The following ZNF76 variants were observed in gnomAD, a reference collection of about 807,000 sequenced individuals.
ZNF76 encodes zinc finger protein 523.
A neutral mutation model predicts 66.9 loss-of-function variants in ZNF76; 66 were observed. The observed-to-expected ratio is 0.99, with a 90% CI of 0.81 to 1.21. ZNF76 has a LOEUF of 1.21. ZNF76 is among the 50% of genes most tolerant of loss of function. ZNF76 has a pLI of 0.00. For synonymous variants in ZNF76, 275 were observed against 296.1 expected, an observed-to-expected ratio of 0.93 and a Z score of 0.73; for missense variants, 729 against 760.3, an observed-to-expected ratio of 0.96 and a Z score of 0.48.
At chr6:35,289,538 A>G (rs1448464569) in intron 5 of ZNF76, among the ~76,000 whole-genome samples, 4 of 152,206 alleles carry the variant, frequency 2.6e-5, no homozygotes, top group Non-Finnish European at 4.4e-5. Flanking sequence ...ACTAAGGGAT[A>G]GTCCCACCAG....
chr6:35,294,605 G>A (rs374760378), intron 13 of ZNF76, 36 bp downstream of exon 13: 144 of 1,429,954 alleles, frequency 1.0e-4, no homozygotes, highest in Non-Finnish European at 1.4e-4. Flanking sequence ...GGATCCCACG[G>A]CCAGAGAAGT....
intron 1 of ZNF76, among the ~76,000 whole-genome samples, chr6:35,280,095 C>A (rs1321362890): frequency 6.6e-6 from 1 of 151,858 alleles, no homozygotes; most frequent in Non-Finnish European, 1.5e-5. Context: ...CCTCCCAAAG[C>A]ACTGGGATTA....
intron 2 of ZNF76, among the ~76,000 whole-genome samples, chr6:35,284,195 G>C (rs921264423): frequency 2.0e-5 from 3 of 151,660 alleles, no homozygotes; most frequent in Non-Finnish European, 4.4e-5. Flanking sequence ...GGGTTCAAGC[G>C]ATTCTCCTGC....
chr6:35,291,679 CT>C lies in ZNF76; in HGVS notation c.874del (p.Cys292ValfsTer113), dbSNP rs752048074. The C allele has an allele frequency of 2.5e-6, 4 of 1,613,678 alleles. No individual in the cohort carries two copies. In the South Asian group the frequency reaches 4.4e-5, roughly 18 times the overall value. ...GGCCCTACACCTGCCCGGAGCCCCACTGTGGCCGCGGCTTCACCAGCGCCAC... is the reference window on the plus strand; with the variant it reads ...GGCCCTACACCTGCCCGGAGCCCCACGTGGCCGCGGCTTCACCAGCGCCAC... ...ERPYTCPEPHCGRGFTSATNY... is the reference protein window; with the variant it reads ...ERPYTCPEPHXGRGFTSATNY... On this transcript the variant is annotated frameshift_variant, in exon 9 of 14. Coordinates refer to ENST00000373953, the MANE Select transcript of ZNF76 (RefSeq NM_003427.5). LOFTEE classifies it high-confidence loss of function.
chr6:35,278,433 G>A (rs1455663772), intron 1 of ZNF76, among the ~76,000 whole-genome samples: 2 of 152,196 alleles, frequency 1.3e-5, no homozygotes, highest in Admixed American at 6.5e-5. Context: ...TGATCCGCTC[G>A]CCCCTCAGGG....
At chr6:35,259,641 A>T (rs1387882669), upstream of ZNF76, 1 of 152,272 alleles carries the variant, frequency 6.6e-6, no homozygotes, top group Non-Finnish European at 1.5e-5. Context: ...CGTGCCCGGT[A>T]TTTTCTATAC....
intron 1 of ZNF76, among the ~76,000 whole-genome samples, chr6:35,263,175 T>G (rs1785505165): frequency 6.6e-6 from 1 of 152,220 alleles, no homozygotes; most frequent in African/African-American, 2.4e-5. Context: ...CACTCTTCTC[T>G]GGGAACTTCT....
Position 35,292,209 on chromosome 6 carries a change from T to TA in ZNF76, c.932-344dup. ...GTCCCCTCTTTCCCATCACAACTGA[T>TA]ACTTCAGTCATCCTTGCCTCTTGCC... On this transcript the variant is annotated intron_variant, in intron 9 of 13. Coordinates refer to ENST00000373953, the MANE Select transcript of ZNF76 (RefSeq NM_003427.5). This position sits in a 1 kb window ranked among gnomAD's most constrained non-coding sequence, Gnocchi z 4.7. 2.3e-6 allele frequency: 1 copy of TA among 434,690 alleles called. No homozygotes were observed. The highest frequency in any genetic ancestry group is 2.3e-5 in the South Asian group (1 of 42,694). 26.9% of individuals were successfully genotyped at this position (434,690 alleles called of 1,614,324 possible).
In ZNF76 at chr6:35,295,435, A is replaced by G; in HGVS notation, c.*187A>G. On this transcript the variant is annotated 3_prime_UTR_variant, in exon 14 of 14. Transcript: ENST00000373953. The stretch of plus-strand genomic sequence containing the variant: ...GCCCTGCTCAAGAAGGGGGCCAGGC[A>G]GCTGGAATCAGGGGAGTGCATCATC... The G allele has an allele frequency of 1.6e-6, 1 of 644,244 alleles. No individual in the cohort carries two copies. Among genetic ancestry groups the G allele is most frequent in the Non-Finnish European group, 2.8e-6 (1 of 351,222 alleles). 39.9% of individuals were successfully genotyped at this position (644,244 alleles called of 1,614,324 possible).
chr6:35,274,951 G>A (rs139638769), intron 1 of ZNF76, among the ~76,000 whole-genome samples: 6,234 of 152,002 alleles, frequency 0.041, 441 homozygotes, highest in African/African-American at 0.14. Context: ...TCAGGAGTTC[G>A]AGATCAGCCT....
chr6:35,289,080 A>G (rs1227524254), intron 5 of ZNF76, among the ~76,000 whole-genome samples: 1 of 151,830 alleles, frequency 6.6e-6, no homozygotes, highest in African/African-American at 2.4e-5. Context: ...AGTGGGTTTT[A>G]TTTAAATCAT....
chr6:35,293,054 C>T lies in ZNF76; in HGVS notation c.1329+10C>T. 1 of 1,613,308 alleles carries T rather than the reference C, an allele frequency of 6.2e-7. No individual in the cohort carries two copies. Among genetic ancestry groups the T allele is most frequent in the Non-Finnish European group, 8.5e-7 (1 of 1,179,668 alleles). On this transcript the variant is annotated intron_variant, in intron 11 of 13. Transcript: ENST00000373953. ...GGATGGTGCCCAGCAGGTACAGGCC[C>T]TGGAGGGCAGAGGTGCCATACTAGC...
At chr6:35,288,352 A>G (rs1000177145) in intron 5 of ZNF76, 2 of 357,432 alleles carry the variant, frequency 5.6e-6, no homozygotes, top group Non-Finnish European at 1.1e-5. Flanking sequence ...TTCCTGGATT[A>G]TGAGGCCCAC....
chr6:35,265,015 G>T (rs867747751), intron 1 of ZNF76, among the ~76,000 whole-genome samples: 42 of 152,174 alleles, frequency 2.8e-4, no homozygotes, highest in African/African-American at 8.7e-4. Context: ...GATCCTAAAG[G>T]TATATATATT....
Position 35,292,494 on chromosome 6 carries a change from C to G in ZNF76, c.932-60C>G. Reference sequence around the variant, plus strand: ...ACCAACCCTGTCCCTCACCCCTGTCCCCTTAGTTTCCCCCTTGCCAGCCCC... The same window carrying G: ...ACCAACCCTGTCCCTCACCCCTGTCGCCTTAGTTTCCCCCTTGCCAGCCCC... On this transcript the variant is annotated intron_variant, in intron 9 of 13. Transcript: ENST00000373953. This position sits in a 1 kb window ranked among gnomAD's most constrained non-coding sequence, Gnocchi z 4.7. The G allele has an allele frequency of 6.3e-7, 1 of 1,588,798 alleles. No individual in the cohort carries two copies. Among genetic ancestry groups the G allele is most frequent in the Non-Finnish European group, 8.6e-7 (1 of 1,159,940 alleles).
At chr6:35,262,847 A>T (rs1172385417) in intron 1 of ZNF76, among the ~76,000 whole-genome samples, 4 of 151,964 alleles carry the variant, frequency 2.6e-5, no homozygotes, top group Non-Finnish European at 5.9e-5. Context: ...ACCCTTGCCC[A>T]GTATCCTGTG....
intron 2 of ZNF76, 43 bp downstream of exon 2, chr6:35,281,267 G>C: frequency 6.3e-7 from 1 of 1,591,748 alleles, no homozygotes; most frequent in Non-Finnish European, 8.6e-7. Flanking sequence ...CTGTCCCTCA[G>C]CCTCTGGAAA....
At chr6:35,269,313 C>T (rs1357496864) in intron 1 of ZNF76, among the ~76,000 whole-genome samples, 1 of 145,236 alleles carries the variant, frequency 6.9e-6, no homozygotes, top group East Asian at 2.0e-4. Context: ...ATGTATGAGG[C>T]GTACTCAGGC....
rs1451585314 is a variant in ZNF76 at position 35,280,049 on chromosome 6, T to C, written c.-96-1007T>C. 5.3e-5 allele frequency among the ~76,000 whole-genome samples: 8 copies of C among 151,802 alleles called. No homozygotes were observed. The East Asian group carries it at 1.4e-3, about 26-fold the overall frequency. On this transcript the variant is annotated intron_variant, in intron 1 of 13. Coordinates refer to ENST00000373953, the MANE Select transcript of ZNF76 (RefSeq NM_003427.5). The stretch of plus-strand genomic sequence containing the variant: ...TCTTGCTGTGTTGCCCACATTGGTC[T>C]TGAACTCCTAGCCTCAAATAATCCT...
Sources: gnomAD v4.1 joint callset for allele counts (sites outside exome capture counted in the v4.1 genomes callset) on GRCh38, gnomAD v4.1.1 for gene constraint, Gnocchi (gnomAD v3.1) non-coding constraint, MANE v1.5 for transcripts, NCBI Gene and HGNC (gene_info 2026-07-23, HGNC 2026-07-21) for gene names.